SOX13: variants seen among roughly 807,000 people sequenced by gnomAD.
The protein encoded by SOX13 is transcription factor SOX-13.
A neutral mutation model predicts 71.8 loss-of-function variants in SOX13; 28 were observed. That is an observed-to-expected ratio of 0.39 (90% CI 0.29 to 0.53). The LOEUF (loss-of-function observed/expected upper bound fraction) is 0.53. Ranked by LOEUF, SOX13 falls within the 20% of genes least tolerant of loss-of-function variation. SOX13 has a pLI of 0.70. For missense variants in SOX13, 627 were observed against 810.3 expected, an observed-to-expected ratio of 0.77 and a Z score of 2.75; for synonymous variants, 309 against 317.8, an observed-to-expected ratio of 0.97 and a Z score of 0.29.
chr1:204,077,581 A>G (rs1034976122), intron 1 of SOX13, among the ~76,000 whole-genome samples: 5 of 152,254 alleles, frequency 3.3e-5, no homozygotes, highest in Non-Finnish European at 7.3e-5. Context: ...TGAAAAAATC[A>G]GGATATAAAA....
At chr1:204,099,424 CTTTTTTTTTTTTT>C (rs200311750) in intron 1 of SOX13, among the ~76,000 whole-genome samples, 1 of 93,452 alleles carries the variant, frequency 1.1e-5, no homozygotes. Flanking sequence ...CTTTTTCTGG[CTTTTTTTTTTTTT>C]TTTTTTTTTT....
At position 204,122,310 on chromosome 1, in the gene SOX13, G is replaced by C; in HGVS notation, c.935G>C (p.Ser312Thr). 5.1e-6 allele frequency: 8 copies of C among 1,581,568 alleles called. No individual in the cohort carries two copies. Among genetic ancestry groups the C allele is most frequent in the Non-Finnish European group, 6.9e-6 (8 of 1,163,836 alleles). ...PELPNTSSSP[S>T]LKMSSCVPRP... is the part of the protein sequence containing the mutation. ...CTGCCCAACACCTCCAGCTCCCCAA[G>C]CCTGAAGATGAGCAGCTGTGTGCCC... Residue 312 changes from serine (S) to threonine (T), a missense_variant, in exon 9 of 14, where the codon AGC becomes ACC. Transcript: ENST00000367204.
chr1:204,099,901 G>A (rs1656327374), intron 1 of SOX13, among the ~76,000 whole-genome samples: 1 of 151,988 alleles, frequency 6.6e-6, no homozygotes. Context: ...CAGCATTTTG[G>A]GAGGCCAAGG....
At chr1:204,077,406 G>A (rs1297144798) in intron 1 of SOX13, among the ~76,000 whole-genome samples, 2 of 152,162 alleles carry the variant, frequency 1.3e-5, no homozygotes, top group Non-Finnish European at 2.9e-5. Context: ...CCCAAGGGAG[G>A]GAAATGGTGG....
chr1:204,114,090 G>A (rs567778175), intron 2 of SOX13, among the ~76,000 whole-genome samples: 1 of 152,324 alleles, frequency 6.6e-6, no homozygotes, highest in East Asian at 1.9e-4. Flanking sequence ...ATCAAGCATC[G>A]TGTGAGTCAC....
chr1:204,116,367 T>A, intron 4 of SOX13, 140 bp from the exon 5 acceptor site: 1 of 1,567,662 alleles, frequency 6.4e-7, no homozygotes, highest in Non-Finnish European at 8.6e-7. Context: ...TCTTGTGTCA[T>A]CATCTCTGTG....
intron 1 of SOX13, among the ~76,000 whole-genome samples, chr1:204,098,551 A>G (rs1200799451): frequency 6.6e-6 from 1 of 152,170 alleles, no homozygotes; most frequent in East Asian, 1.9e-4. Context: ...TTTTATATTT[A>G]GGAAAAAACT....
intron 1 of SOX13, among the ~76,000 whole-genome samples, chr1:204,112,440 C>A (rs1487718382): frequency 4.9e-4 from 69 of 139,726 alleles, no homozygotes; most frequent in Admixed American, 5.7e-4. Context: ...GACTCTGTCT[C>A]AAAAAAAAAA....
intron 1 of SOX13, among the ~76,000 whole-genome samples, chr1:204,096,837 A>G (rs1197630984): frequency 6.7e-6 from 1 of 149,852 alleles, no homozygotes; most frequent in African/African-American, 2.5e-5. Context: ...CATCCTTGCC[A>G]ATTCTCCTCC....
chr1:204,095,245 A>G (rs955380810), intron 1 of SOX13, among the ~76,000 whole-genome samples: 5 of 152,190 alleles, frequency 3.3e-5, no homozygotes, highest in African/African-American at 1.2e-4. Context: ...GATTTCCAGG[A>G]AAGTCGAGGA....
At chr1:204,075,094 C>T (rs1454494808) in intron 1 of SOX13, among the ~76,000 whole-genome samples, 1 of 152,208 alleles carries the variant, frequency 6.6e-6, no homozygotes. Context: ...AACCAGTATC[C>T]CCCAAAGGAT....
intron 1 of SOX13, among the ~76,000 whole-genome samples, chr1:204,111,836 T>C (rs1033885221): frequency 4.0e-5 from 6 of 151,540 alleles, no homozygotes; most frequent in African/African-American, 1.5e-4. Flanking sequence ...TGAACCACCA[T>C]ACCCGGCTAT....
chr1:204,124,630 G>A lies in SOX13; in HGVS notation c.1376-11G>A, dbSNP rs1051530506. 11 of 1,601,496 alleles carry A rather than the reference G, an allele frequency of 6.9e-6. No homozygotes were observed. The highest frequency in any genetic ancestry group is 1.7e-6 in the Non-Finnish European group (2 of 1,174,386). On this transcript the variant is annotated splice_polypyrimidine_tract_variant and intron_variant, in intron 12 of 13. Transcript: ENST00000367204. ...CAGCACTGACTGCCTGCCCCTGGGG[G>A]GTTGGGTCAGGATCTCGCTGGAAGT...
At chr1:204,115,475 G>GTTT (rs1230069563) in intron 4 of SOX13, among the ~76,000 whole-genome samples, 13 of 58,934 alleles carry the variant, frequency 2.2e-4, no homozygotes, top group African/African-American at 7.8e-4. Flanking sequence ...TTCCGATGTT[G>GTTT]TTTTTTTTTT....
Position 204,117,523 on chromosome 1 carries a change from C to G in SOX13, c.661-70C>G, listed in dbSNP as rs1166601498. The G allele has an allele frequency of 4.1e-6, 4 of 973,180 alleles. No individual in the cohort carries two copies. In the East Asian group the frequency reaches 1.0e-4, roughly 25 times the overall value. The allele number at this position is 973,180 out of a possible 1,614,324, so 60.3% of individuals were successfully genotyped here. ...CTTGTCCATGGGTCCATTCTCTGTGCCATGGGCTGACCATAGCTGGGTAGC... is the reference window on the plus strand; with the variant it reads ...CTTGTCCATGGGTCCATTCTCTGTGGCATGGGCTGACCATAGCTGGGTAGC... On this transcript the variant is annotated intron_variant, in intron 6 of 13. Transcript: ENST00000367204.
Position 204,126,198 on chromosome 1 carries a change from C to T in SOX13, c.*64C>T. 1.3e-6 allele frequency: 2 copies of T among 1,538,524 alleles called. No individual in the cohort carries two copies. The highest frequency in any genetic ancestry group is 1.8e-6 in the Non-Finnish European group (2 of 1,126,960). ...AGACCTTGTCCCAACTCGATGGGCA[C>T]AGCCAGCCAACCTAAGACTATGTTG... On this transcript the variant is annotated 3_prime_UTR_variant, in exon 14 of 14. Transcript: ENST00000367204.
rs1457211635 is a variant in SOX13 at position 204,123,800 on chromosome 1, C to A, written c.1371C>A (p.Ile457=). ...PDMHNSSISK[I]LGSRWKSMTN... The stretch of plus-strand genomic sequence containing the variant: ...TGCACAACTCCAGCATCAGCAAGAT[C>A]CTTGGTAAGGGCCAGTGGCTGGGGC... The change falls in exon 12 of 14, where the codon ATC becomes ATA. Residue 457 remains isoleucine (I), a synonymous_variant. Transcript: ENST00000367204. This position sits in a 1 kb window ranked among gnomAD's most constrained non-coding sequence, Gnocchi z 5.0. The A allele has an allele frequency of 6.2e-7, 1 of 1,614,044 alleles. No individual in the cohort carries two copies. The highest frequency in any genetic ancestry group is 8.5e-7 in the Non-Finnish European group (1 of 1,180,016).
chr1:204,114,684 T>C (rs1656653524), intron 4 of SOX13, 79 bp downstream of exon 4: 10 of 1,111,802 alleles, frequency 9.0e-6, no homozygotes, highest in African/African-American at 3.1e-5. Context: ...CCTGGCTCTG[T>C]AGGGCAGTTC....
intron 1 of SOX13, among the ~76,000 whole-genome samples, chr1:204,075,285 C>G (rs12097976): frequency 0.049 from 7,468 of 152,298 alleles, 589 homozygotes; most frequent in African/African-American, 0.17. Flanking sequence ...CGGACTCGTC[C>G]GACGCGGCGC....
Sources: allele counts gnomAD v4.1 joint callset (sites outside exome capture counted in the v4.1 genomes callset), GRCh38; gene constraint gnomAD v4.1.1; non-coding constraint Gnocchi (gnomAD v3.1); transcripts MANE v1.5; gene names NCBI Gene and HGNC (gene_info 2026-07-23, HGNC 2026-07-21).